PEX7: variants seen among roughly 807,000 people sequenced by gnomAD.
The protein encoded by PEX7 is PTS2 receptor.
PEX7 carries 34 observed loss-of-function variants against 47.5 expected under a neutral mutation model. The observed-to-expected ratio is 0.72, with a 90% CI of 0.54 to 0.95. The LOEUF (loss-of-function observed/expected upper bound fraction) is 0.95, where lower values mean the gene tolerates loss of function less well. Ranked by LOEUF, PEX7 falls within the 40% of genes least tolerant of loss-of-function variation. PEX7 has a pLI of 0.00. For synonymous variants in PEX7, 141 were observed against 148.8 expected, an observed-to-expected ratio of 0.95 and a Z score of 0.38; for missense variants, 394 against 400.3, an observed-to-expected ratio of 0.98 and a Z score of 0.13.
At chr6:136,852,493 A>G (rs1233912408) in intron 5 of PEX7, among the ~76,000 whole-genome samples, 3 of 53,460 alleles carry the variant, frequency 5.6e-5, no homozygotes, top group Middle Eastern at 4.9e-3. Context: ...TACAAAAATC[A>G]CAAGCATTCT....
At chr6:136,903,280 C>A (rs879897009) in intron 9 of PEX7, among the ~76,000 whole-genome samples, 2 of 151,620 alleles carry the variant, frequency 1.3e-5, no homozygotes, top group Non-Finnish European at 2.9e-5. Flanking sequence ...CCCATCCAGT[C>A]TCTGTCTGTG....
intron 5 of PEX7, among the ~76,000 whole-genome samples, chr6:136,849,126 A>T (rs1774688686): frequency 6.6e-6 from 1 of 152,062 alleles, no homozygotes; most frequent in Non-Finnish European, 1.5e-5. Flanking sequence ...TAGATTTTCT[A>T]GTTTATTTGC....
intron 9 of PEX7, among the ~76,000 whole-genome samples, chr6:136,902,470 G>A (rs1412929415): frequency 6.6e-6 from 1 of 152,146 alleles, no homozygotes; most frequent in Non-Finnish European, 1.5e-5. Flanking sequence ...GTCTTTAAAA[G>A]TTTAAAACTT....
intron 9 of PEX7, among the ~76,000 whole-genome samples, chr6:136,911,754 G>A (rs1007048758): frequency 4.6e-5 from 7 of 152,140 alleles, no homozygotes; most frequent in Admixed American, 2.0e-4. Context: ...ATGAACATTC[G>A]TGTCTACATT....
At chr6:136,886,126 T>G (rs918726724) in intron 8 of PEX7, among the ~76,000 whole-genome samples, 1 of 152,214 alleles carries the variant, frequency 6.6e-6, no homozygotes, top group Non-Finnish European at 1.5e-5. Flanking sequence ...AATTTTATTT[T>G]ACAGCAGTAA....
chr6:136,881,041 G>A (rs1470869446), intron 8 of PEX7, among the ~76,000 whole-genome samples: 2 of 152,218 alleles, frequency 1.3e-5, no homozygotes, highest in African/African-American at 4.8e-5. Flanking sequence ...GAACTGTGGA[G>A]CTAGATCACT....
chr6:136,850,912 T>C (rs1307337892), intron 5 of PEX7, among the ~76,000 whole-genome samples: 1 of 116,826 alleles, frequency 8.6e-6, no homozygotes, highest in Non-Finnish European at 1.8e-5. Context: ...AGATCAAAAC[T>C]GATGGTTTTT....
chr6:136,825,161 C>T (rs553309752), intron 1 of PEX7, 53 bp from the exon 2 acceptor site: 19 of 1,434,402 alleles, frequency 1.3e-5, no homozygotes, highest in South Asian at 8.0e-5. Flanking sequence ...CCTTGACTTT[C>T]GATGTTACCC....
Position 136,831,908 on chromosome 6 carries a change from G to A in PEX7, c.339+5439G>A, listed in dbSNP as rs149665049. ...TTTCACTGGCTGGCATTGAGTGCCT[G>A]TGGCTTTTCCAGCTGTACAATACAA... On this transcript the variant is annotated intron_variant, in intron 3 of 9. Coordinates refer to ENST00000318471, the MANE Select transcript of PEX7 (RefSeq NM_000288.4). Among the ~76,000 whole-genome samples, 41 of 152,382 alleles carry A rather than the reference G, an allele frequency of 2.7e-4. No individual in the cohort carries two copies. In the East Asian group the frequency reaches 5.6e-3, roughly 21 times the overall value.
chr6:136,850,184 CT>C (rs558174589), intron 5 of PEX7, among the ~76,000 whole-genome samples: 24 of 147,524 alleles, frequency 1.6e-4, no homozygotes, highest in Admixed American at 2.0e-4. Flanking sequence ...GCAACCTCTG[CT>C]TTTTTTTTTG....
At position 136,872,640 on chromosome 6, in the gene PEX7, CAATG is replaced by C. The variant is rs200797727; in HGVS notation, c.803+390_803+393del. 3.9e-3 allele frequency among the ~76,000 whole-genome samples: 601 copies of C among 152,172 alleles called. 13 individuals are homozygous for C. The highest frequency in any genetic ancestry group is 0.037 in the Admixed American group (566 of 15,286). ...GGCTAAGATTGCTTAGATGAAAAAA[CAATG>C]AACATGAGTGTATGATTTTTTGTGA... is the stretch of plus-strand genomic sequence containing the variant. On this transcript the variant is annotated intron_variant, in intron 8 of 9. Coordinates refer to ENST00000318471, the MANE Select transcript of PEX7 (RefSeq NM_000288.4).
At chr6:136,888,645 GGGTA>G (rs1361563781) in intron 8 of PEX7, among the ~76,000 whole-genome samples, 3 of 152,232 alleles carry the variant, frequency 2.0e-5, no homozygotes, top group Admixed American at 6.5e-5. Flanking sequence ...CCTGATGACA[GGGTA>G]GGACTTGTCT....
intron 8 of PEX7, among the ~76,000 whole-genome samples, chr6:136,878,185 C>G (rs1458883583): frequency 6.6e-6 from 1 of 152,178 alleles, no homozygotes; most frequent in African/African-American, 2.4e-5. Context: ...AGTTGCTTAT[C>G]AGCTTAAGGA....
At chr6:136,841,462 C>T (rs1774495674) in intron 3 of PEX7, among the ~76,000 whole-genome samples, 1 of 152,220 alleles carries the variant, frequency 6.6e-6, no homozygotes, top group Non-Finnish European at 1.5e-5. Flanking sequence ...TGTTTCACCT[C>T]TGCTTTTTGC....
chr6:136,879,465 A>G (rs1775337168), intron 8 of PEX7, among the ~76,000 whole-genome samples: 4 of 151,948 alleles, frequency 2.6e-5, no homozygotes, highest in South Asian at 2.1e-4. Context: ...CTTGCTTTCT[A>G]TGTCGTTTTT....
At chr6:136,893,645 G>A (rs1360362813) in intron 8 of PEX7, among the ~76,000 whole-genome samples, 1 of 152,248 alleles carries the variant, frequency 6.6e-6, no homozygotes, top group Non-Finnish European at 1.5e-5. Context: ...TAAATGATGT[G>A]AAAGTAAGTG....
intron 4 of PEX7, 47 bp from the exon 5 acceptor site, chr6:136,846,026 A>G (rs1053807320): frequency 5.2e-6 from 6 of 1,149,814 alleles, no homozygotes; most frequent in Non-Finnish European, 7.9e-6. Flanking sequence ...TAAAAGCATA[A>G]ATTTGAATTT....
At position 136,913,559 on chromosome 6, in the gene PEX7, T is replaced by G. The variant is rs1324031876; in HGVS notation, c.*33T>G. 1 of 1,398,288 alleles carries G rather than the reference T, an allele frequency of 7.2e-7. No individual in the cohort carries two copies. The highest frequency in any genetic ancestry group is 1.0e-6 in the Non-Finnish European group (1 of 984,012). The allele number at this position is 1,398,288 out of a possible 1,614,324, so 86.6% of individuals were successfully genotyped here. ...TACTTTGGTCAGAAACAGAGGATGTTGGCTGAAGAACTGCCTAACAGCAAA... is the reference window on the plus strand; with the variant it reads ...TACTTTGGTCAGAAACAGAGGATGTGGGCTGAAGAACTGCCTAACAGCAAA... On this transcript the variant is annotated 3_prime_UTR_variant, in exon 10 of 10. Transcript: ENST00000318471.
chr6:136,905,197 A>G (rs1341314526), intron 9 of PEX7, among the ~76,000 whole-genome samples: 3 of 152,078 alleles, frequency 2.0e-5, no homozygotes, highest in Admixed American at 6.5e-5. Flanking sequence ...AAAGGTTTGC[A>G]TTTTATCTCT....
Sources: gnomAD v4.1 joint callset for allele counts (sites outside exome capture counted in the v4.1 genomes callset) on GRCh38, gnomAD v4.1.1 for gene constraint, MANE v1.5 for transcripts, NCBI Gene and HGNC (gene_info 2026-07-23, HGNC 2026-07-21) for gene names.